The following DENND1A variants were observed in gnomAD, a reference collection of about 807,000 sequenced individuals.
The protein encoded by DENND1A is DENN domain-containing protein 1A.
A neutral mutation model predicts 113.7 loss-of-function variants in DENND1A; 51 were observed. The observed-to-expected ratio is 0.45, with a 90% CI of 0.36 to 0.57. The LOEUF (loss-of-function observed/expected upper bound fraction) is 0.57. Ranked by LOEUF, DENND1A falls within the 20% of genes least tolerant of loss-of-function variation. The pLI, the probability that DENND1A is intolerant of heterozygous loss-of-function variation, is 0.00. For missense variants in DENND1A, 1,258 were observed against 1,395.9 expected (o/e 0.90, Z 1.57); for synonymous variants, 565 against 570.8 (o/e 0.99, Z 0.14).
intron 11 of DENND1A, among the ~76,000 whole-genome samples, chr9:123,598,465 A>AAAC (rs2059798764): frequency 6.6e-6 from 1 of 151,664 alleles, no homozygotes; most frequent in African/African-American, 2.4e-5. Flanking sequence ...TCAAAAAAAA[A>AAAC]AAAAAAAAAA....
At chr9:123,854,187 G>A (rs1564393756) in intron 2 of DENND1A, among the ~76,000 whole-genome samples, 1 of 151,996 alleles carries the variant, frequency 6.6e-6, no homozygotes, top group Non-Finnish European at 1.5e-5. Flanking sequence ...ATTTCTGCTG[G>A]CAAAAATCAA....
At chr9:123,413,639 AT>A in intron 19 of DENND1A, 2 of 985,428 alleles carry the variant, frequency 2.0e-6, no homozygotes, top group South Asian at 4.7e-5. Flanking sequence ...GGAGAACACG[AT>A]GGGATAGAAT....
chr9:123,551,991 G>A (rs1255713849), intron 13 of DENND1A, among the ~76,000 whole-genome samples: 2 of 148,356 alleles, frequency 1.3e-5, no homozygotes, highest in South Asian at 4.4e-4. Context: ...GAGAGAGAGA[G>A]CGAGAGAGAG....
intron 19 of DENND1A, chr9:123,413,829 C>G (rs1343617357): frequency 3.0e-6 from 3 of 984,888 alleles, no homozygotes; most frequent in Non-Finnish European, 3.6e-6. Context: ...GGGGAACAGC[C>G]CCCCCACCCC....
chr9:123,440,631 G>T, intron 18 of DENND1A, 140 bp from the exon 19 acceptor site: 2 of 1,179,400 alleles, frequency 1.7e-6, no homozygotes, highest in Non-Finnish European at 2.2e-6. Context: ...TGGAGGGAAT[G>T]GAGGGCTAAC....
In DENND1A at chr9:123,764,112, T is replaced by C. The variant is rs1306949669; in HGVS notation, c.182+5402A>G. Among the ~76,000 whole-genome samples, 5 of 152,212 alleles carry C rather than the reference T, an allele frequency of 3.3e-5. No individual in the cohort carries two copies. Among genetic ancestry groups the C allele is most frequent in the Admixed American group, 6.5e-5 (1 of 15,280 alleles). ...ATGTTACTCAGCAGTTATGTGGGCATAGACAAGTTATTATACTTCTCTGAT... is the reference window on the plus strand; with the variant it reads ...ATGTTACTCAGCAGTTATGTGGGCACAGACAAGTTATTATACTTCTCTGAT... On this transcript the variant is annotated intron_variant, in intron 4 of 23. Coordinates refer to ENST00000394215, the MANE Select transcript of DENND1A (RefSeq NM_001352964.2). The surrounding 1 kb of genome is among the most constrained non-coding windows in gnomAD (Gnocchi z 4.1).
chr9:123,819,171 T>C (rs1838059602), intron 2 of DENND1A, among the ~76,000 whole-genome samples: 1 of 152,186 alleles, frequency 6.6e-6, no homozygotes, highest in African/African-American at 2.4e-5. Context: ...CTGTTTTCCC[T>C]TCTAAATTTT....
rs138340661 is a variant in DENND1A at position 123,657,759 on chromosome 9, GA to G, written c.508-5637del. ...ATAAAAATTTTTAAAACCCTCAACT[GA>G]TTTTTTTTTTTTAAGAATTTAGGTA... On this transcript the variant is annotated intron_variant, in intron 8 of 23. Coordinates refer to ENST00000394215, the MANE Select transcript of DENND1A (RefSeq NM_001352964.2). Among the ~76,000 whole-genome samples, 802 of 149,794 alleles carry G rather than the reference GA, an allele frequency of 5.4e-3. 1 individual carries two copies. The highest frequency in any genetic ancestry group is 9.6e-3 in the Non-Finnish European group (652 of 67,894).
intron 12 of DENND1A, among the ~76,000 whole-genome samples, chr9:123,562,567 T>C (rs1275899211): frequency 6.6e-6 from 1 of 152,136 alleles, no homozygotes; most frequent in African/African-American, 2.4e-5. Context: ...TATAAATATA[T>C]ATGCAGTAAA....
chr9:123,636,979 C>T (rs570133306), intron 9 of DENND1A, among the ~76,000 whole-genome samples: 4 of 152,316 alleles, frequency 2.6e-5, no homozygotes, highest in South Asian at 2.1e-4. Context: ...CGTGAGCCAC[C>T]GCGCCCGGCC....
intron 20 of DENND1A, among the ~76,000 whole-genome samples, chr9:123,406,711 C>T (rs1414897133): frequency 1.3e-5 from 2 of 152,186 alleles, no homozygotes; most frequent in Non-Finnish European, 2.9e-5. Context: ...GCACTGGTTT[C>T]CCCAGCTCTG....
chr9:123,587,830 A>C (rs1354689748), intron 11 of DENND1A, among the ~76,000 whole-genome samples: 1 of 152,202 alleles, frequency 6.6e-6, no homozygotes, highest in East Asian at 1.9e-4. Context: ...GGGTCTCCCT[A>C]AACAGTCTGA....
intron 5 of DENND1A, among the ~76,000 whole-genome samples, chr9:123,708,143 A>C (rs1049330815): frequency 6.6e-6 from 1 of 151,346 alleles, no homozygotes; most frequent in African/African-American, 2.4e-5. Context: ...TAGCAAAAAC[A>C]AAAAAAAAGA....
intron 15 of DENND1A, among the ~76,000 whole-genome samples, chr9:123,455,255 G>A (rs2048029791): frequency 6.6e-6 from 1 of 152,164 alleles, no homozygotes; most frequent in Admixed American, 6.5e-5. Flanking sequence ...TACCCTGACT[G>A]CAAACTCAGC....
rs1170557545 is a variant in DENND1A, at chr9:123,639,454, C to CAAA, written c.619-8981_619-8979dup. Among the ~76,000 whole-genome samples the CAAA allele has an allele frequency of 2.9e-3, 222 of 76,348 alleles. 3 individuals are homozygous for CAAA. The highest frequency in any genetic ancestry group is 0.02 in the Middle Eastern group (2 of 102). The allele number at this position is 76,348 out of a possible 152,430, so 50.1% of individuals were successfully genotyped here. A position where few individuals can be genotyped will look rare whatever the true frequency, so the allele number is the denominator to read the frequency against. On this transcript the variant is annotated intron_variant, in intron 9 of 23. Transcript: ENST00000394215. ...CCTCCGTATCCCCCCAACCCCCTAC[C>CAAA]AAAAAAAAAAAAAAAAAAACCTCAG...
Position 123,440,340 on chromosome 9 carries a change from A to G in DENND1A, c.1488+20T>C. The G allele has an allele frequency of 6.3e-7, 1 of 1,579,840 alleles. No homozygotes were observed. Among genetic ancestry groups the G allele is most frequent in the Admixed American group, 1.9e-5 (1 of 52,538 alleles). On this transcript the variant is annotated intron_variant, in intron 19 of 23. Coordinates refer to ENST00000394215, the MANE Select transcript of DENND1A (RefSeq NM_001352964.2). ...TAAAAAAAAAACAAAACAGACAGGT[A>G]GGAGGGCCAGGGTACACACCTGTCC...
At chr9:123,445,722 TAGCC>T (rs1235070549) in intron 18 of DENND1A, among the ~76,000 whole-genome samples, 1 of 152,012 alleles carries the variant, frequency 6.6e-6, no homozygotes, top group Non-Finnish European at 1.5e-5. Context: ...ATACAAAAAT[TAGCC>T]AGGTGTGATG....
intron 6 of DENND1A, among the ~76,000 whole-genome samples, chr9:123,674,608 G>T (rs1444634535): frequency 2.0e-5 from 3 of 152,166 alleles, no homozygotes; most frequent in Admixed American, 6.5e-5. Flanking sequence ...GAAGAAAAGA[G>T]TCCTGGGTTC....
At chr9:123,898,841 G>C (rs1397221224) in intron 1 of DENND1A, among the ~76,000 whole-genome samples, 1 of 152,148 alleles carries the variant, frequency 6.6e-6, no homozygotes, top group Non-Finnish European at 1.5e-5. Flanking sequence ...AGATTAGGGG[G>C]ATAAAATAAC....
Sources: gnomAD v4.1 joint callset for allele counts (sites outside exome capture counted in the v4.1 genomes callset) on GRCh38, gnomAD v4.1.1 for gene constraint, Gnocchi (gnomAD v3.1) non-coding constraint, MANE v1.5 for transcripts, NCBI Gene and HGNC (gene_info 2026-07-23, HGNC 2026-07-21) for gene names.